Variants in RABGAP1L observed in about 807,000 individuals in gnomAD.
The protein encoded by RABGAP1L is rab GTPase-activating protein 1-like.
A neutral mutation model predicts 137.7 loss-of-function variants in RABGAP1L; 63 were observed. The ratio of observed to expected loss-of-function variants is 0.46; its 90% CI spans 0.37 to 0.56. The LOEUF (loss-of-function observed/expected upper bound fraction) is 0.56, where lower values mean the gene tolerates loss of function less well. Ranked by LOEUF, RABGAP1L falls within the 20% of genes least tolerant of loss-of-function variation. The probability of loss-of-function intolerance (pLI) is 0.00; values close to 1 mark genes in which losing one functional copy is unlikely to be tolerated. For synonymous variants in RABGAP1L, 431 were observed against 433.7 expected (o/e 0.99, Z 0.08); for missense variants, 1,095 against 1,244.0 (o/e 0.88, Z 1.80).
Position 174,504,147 on chromosome 1 carries a change from G to GT in RABGAP1L, c.1710+110008dup, listed in dbSNP as rs1344876996. ...GCCACCATGCCTGGCTAATTTTTGTGTTTTTTGTAGAGTTAGGGTTTCGCC... is the reference window on the plus strand; with the variant it reads ...GCCACCATGCCTGGCTAATTTTTGTGTTTTTTTGTAGAGTTAGGGTTTCGCC... On this transcript the variant is annotated intron_variant, in intron 13 of 25. Transcript: ENST00000681986. Among the ~76,000 whole-genome samples the GT allele has an allele frequency of 6.8e-4, 103 of 151,466 alleles. 1 individual carries two copies. Among genetic ancestry groups the GT allele is most frequent in the African/African-American group, 2.3e-3 (95 of 41,388 alleles).
intron 13 of RABGAP1L, among the ~76,000 whole-genome samples, chr1:174,394,672 C>G (rs923837699): frequency 1.3e-5 from 2 of 152,102 alleles, no homozygotes; most frequent in African/African-American, 4.8e-5. Flanking sequence ...AGGTGTTGGC[C>G]TTGACCCTGG....
At chr1:174,757,622 T>C (rs996655897) in intron 18 of RABGAP1L, among the ~76,000 whole-genome samples, 3 of 151,524 alleles carry the variant, frequency 2.0e-5, no homozygotes, top group Non-Finnish European at 4.4e-5. Context: ...TTTTTATTAC[T>C]AAATCATATA....
chr1:174,901,528 G>A (rs1573742443), intron 19 of RABGAP1L, among the ~76,000 whole-genome samples: 1 of 152,264 alleles, frequency 6.6e-6, no homozygotes, highest in African/African-American at 2.4e-5. Context: ...CTCCACCTGA[G>A]CCCTCCCATG....
At chr1:174,972,272 T>G (rs1338428008) in intron 21 of RABGAP1L, among the ~76,000 whole-genome samples, 2 of 152,216 alleles carry the variant, frequency 1.3e-5, no homozygotes, top group African/African-American at 2.4e-5. Flanking sequence ...AGAAGCTACA[T>G]GGACTAAGTG....
At chr1:174,956,805 G>GCCCCGC (rs1668578028) in intron 19 of RABGAP1L, among the ~76,000 whole-genome samples, 2 of 151,722 alleles carry the variant, frequency 1.3e-5, no homozygotes, top group Non-Finnish European at 2.9e-5. Flanking sequence ...CCACCACCAT[G>GCCCCGC]CCCCGCTAAT....
At chr1:174,709,770 T>C (rs1464782274) in intron 17 of RABGAP1L, among the ~76,000 whole-genome samples, 1 of 152,112 alleles carries the variant, frequency 6.6e-6, no homozygotes, top group Non-Finnish European at 1.5e-5. Context: ...ATGCCTCTTC[T>C]CCAAAGGATC....
chr1:174,786,697 C>G (rs1164393078), intron 18 of RABGAP1L, among the ~76,000 whole-genome samples: 6 of 152,144 alleles, frequency 3.9e-5, no homozygotes, highest in Non-Finnish European at 8.8e-5. Context: ...GTATCCCTCC[C>G]TTCTTTTAGA....
chr1:174,657,206 C>A (rs1272160053), intron 14 of RABGAP1L, among the ~76,000 whole-genome samples: 1 of 152,154 alleles, frequency 6.6e-6, no homozygotes, highest in African/African-American at 2.4e-5. Flanking sequence ...ATACTCAGAT[C>A]AAGGTAATTA....
intron 1 of RABGAP1L, among the ~76,000 whole-genome samples, chr1:174,165,470 A>AAAGAAGAGG (rs1472928931): frequency 6.6e-6 from 1 of 151,710 alleles, no homozygotes; most frequent in Non-Finnish European, 1.5e-5. Context: ...TTTAAGGATA[A>AAAGAAGAGG]AAGAAGAGGT....
chr1:174,548,777 G>A (rs1666219550), intron 13 of RABGAP1L, among the ~76,000 whole-genome samples: 1 of 152,062 alleles, frequency 6.6e-6, no homozygotes, highest in South Asian at 2.1e-4. Flanking sequence ...ATTATTTGAT[G>A]TTTATTTTAG....
chr1:174,656,292 T>C (rs1201376302), intron 14 of RABGAP1L, among the ~76,000 whole-genome samples: 1 of 152,132 alleles, frequency 6.6e-6, no homozygotes, highest in Non-Finnish European at 1.5e-5. Flanking sequence ...ACTCCGTCTC[T>C]ACTAAAAATA....
At chr1:174,465,013 A>G (rs910008627) in intron 13 of RABGAP1L, among the ~76,000 whole-genome samples, 18 of 152,046 alleles carry the variant, frequency 1.2e-4, no homozygotes, top group Non-Finnish European at 2.4e-4. Context: ...TATTGATCCT[A>G]TTGACATAGG....
At chr1:174,416,014 A>C (rs1650518468) in intron 13 of RABGAP1L, among the ~76,000 whole-genome samples, 1 of 120,344 alleles carries the variant, frequency 8.3e-6, no homozygotes. Flanking sequence ...TCCCTAGAAA[A>C]TTTACATATA....
chr1:174,872,929 A>G (rs1652437462), intron 19 of RABGAP1L, among the ~76,000 whole-genome samples: 1 of 152,160 alleles, frequency 6.6e-6, no homozygotes, highest in African/African-American at 2.4e-5. Flanking sequence ...GAATGTTTGC[A>G]TAGAGTTACC....
intron 19 of RABGAP1L, among the ~76,000 whole-genome samples, chr1:174,825,610 A>T (rs993862301): frequency 6.6e-6 from 1 of 152,228 alleles, no homozygotes. Context: ...GTGGCCAGGC[A>T]TGGTGGCTCA....
At chr1:174,468,912 G>A (rs1416408777) in intron 13 of RABGAP1L, among the ~76,000 whole-genome samples, 1 of 151,970 alleles carries the variant, frequency 6.6e-6, no homozygotes, top group Non-Finnish European at 1.5e-5. Flanking sequence ...AAAAATGAGG[G>A]GAATATTTTT....
At chr1:174,188,592 A>C (rs981131890) in intron 1 of RABGAP1L, among the ~76,000 whole-genome samples, 2 of 152,226 alleles carry the variant, frequency 1.3e-5, no homozygotes, top group Non-Finnish European at 1.5e-5. Context: ...TAATCCAGAC[A>C]TATCTAATTA....
intron 13 of RABGAP1L, among the ~76,000 whole-genome samples, chr1:174,495,680 A>G (rs970284568): frequency 1.3e-5 from 2 of 152,276 alleles, no homozygotes; most frequent in Non-Finnish European, 2.9e-5. Context: ...TACCTTTGCT[A>G]TAGTTCTAGA....
intron 11 of RABGAP1L, among the ~76,000 whole-genome samples, chr1:174,316,655 G>T (rs1679403572): frequency 6.6e-6 from 1 of 152,072 alleles, no homozygotes; most frequent in African/African-American, 2.4e-5. Flanking sequence ...CCACTCCCTG[G>T]CTACTGCCTA....
Sources: gnomAD v4.1 joint callset for allele counts (sites outside exome capture counted in the v4.1 genomes callset) on GRCh38, gnomAD v4.1.1 for gene constraint, MANE v1.5 for transcripts, NCBI Gene and HGNC (gene_info 2026-07-23, HGNC 2026-07-21) for gene names.